PROM1: variants seen among roughly 807,000 people sequenced by gnomAD.
The protein encoded by PROM1 is prominin-1.
A neutral mutation model predicts 116.9 loss-of-function variants in PROM1; 105 were observed. The ratio of observed to expected loss-of-function variants is 0.90; its 90% CI spans 0.77 to 1.06. The LOEUF (loss-of-function observed/expected upper bound fraction) is 1.06, where lower values mean the gene tolerates loss of function less well. PROM1 is among the 50% of genes least tolerant of loss of function. The pLI is 0.00. For missense variants in PROM1, 1,122 were observed against 1,045.2 expected, an observed-to-expected ratio of 1.07 and a Z score of -1.01; for synonymous variants, 393 against 387.0, an observed-to-expected ratio of 1.02 and a Z score of -0.18.
At chr4:15,988,067 G>A (rs555698934) in intron 19 of PROM1, among the ~76,000 whole-genome samples, 181 of 149,366 alleles carry the variant, frequency 1.2e-3, no homozygotes, top group African/African-American at 4.4e-3. Context: ...TAGTAGAGAC[G>A]GGGTTTCACC....
At chr4:16,000,949 C>T (rs1360452169) in intron 13 of PROM1, among the ~76,000 whole-genome samples, 4 of 152,068 alleles carry the variant, frequency 2.6e-5, no homozygotes, top group African/African-American at 9.7e-5. Flanking sequence ...GCCTGGGGAC[C>T]CACGAGGGGT....
At position 16,024,303 on chromosome 4, in the gene PROM1, T is replaced by A; in HGVS notation, c.686A>T (p.Asp229Val). The change falls in exon 7 of 28, where the codon GAT becomes GTT. Residue 229 changes from aspartate to valine, a missense_variant. Coordinates refer to ENST00000447510, the MANE Select transcript of PROM1 (RefSeq NM_006017.3). Reference protein sequence around the residue: ...YNTTKDKAFTDLNSINSVLGG... With the variant: ...YNTTKDKAFTVLNSINSVLGG... ...CTTTAAATTTTACTCACTGTTCAGA[T>A]CTGTGAACGCCTTGTCCTTGGTAGT... 1 of 1,613,218 alleles carries A rather than the reference T, an allele frequency of 6.2e-7. No individual in the cohort carries two copies.
chr4:15,992,109 A>G, intron 17 of PROM1, 139 bp downstream of exon 17: 1 of 1,063,544 alleles, frequency 9.4e-7, no homozygotes, highest in South Asian at 1.4e-5. Flanking sequence ...AATGTACTCA[A>G]TGCCACCGAA....
At chr4:16,018,709 C>T (rs970203703) in intron 8 of PROM1, among the ~76,000 whole-genome samples, 169 bp from the exon 9 acceptor site, 6 of 152,166 alleles carry the variant, frequency 3.9e-5, no homozygotes, top group Non-Finnish European at 7.3e-5. Flanking sequence ...CGCTAGGCTG[C>T]TCTAACAGCT....
intron 2 of PROM1, among the ~76,000 whole-genome samples, chr4:16,068,590 T>C (rs140326498): frequency 2.0e-5 from 3 of 152,372 alleles, no homozygotes; most frequent in African/African-American, 4.8e-5. Context: ...TTCTGAATAT[T>C]AAGCTAGGCT....
intron 13 of PROM1, among the ~76,000 whole-genome samples, chr4:16,001,678 G>A (rs1159626318): frequency 6.6e-6 from 1 of 152,178 alleles, no homozygotes; most frequent in African/African-American, 2.4e-5. Flanking sequence ...CTTGAAACAA[G>A]TGCAGTCATG....
rs71179681 is a variant in PROM1 at position 16,012,870 on chromosome 4, C to CAAAAAA, written c.1141+399_1141+404dup. 9.5e-5 allele frequency among the ~76,000 whole-genome samples: 8 copies of CAAAAAA among 84,232 alleles called. No individual in the cohort carries two copies. The South Asian group carries it at 1.4e-3, about 15-fold the overall frequency. The allele number at this position is 84,232 out of a possible 152,430, so 55.3% of individuals were successfully genotyped here. The stretch of plus-strand genomic sequence containing the variant: ...TGAGCGACAGAGCGAGACTCTGTCT[C>CAAAAAA]AAAAAAAAAAAAAAAAAAAAACAAC... On this transcript the variant is annotated intron_variant, in intron 11 of 27. Coordinates refer to ENST00000447510, the MANE Select transcript of PROM1 (RefSeq NM_006017.3).
chr4:16,043,230 C>T (rs1054964531), intron 2 of PROM1, among the ~76,000 whole-genome samples: 3 of 152,196 alleles, frequency 2.0e-5, no homozygotes, highest in African/African-American at 7.2e-5. Flanking sequence ...ACCCCTATAA[C>T]TTGGTTTAGG....
chr4:16,055,235 A>G (rs1319765318), intron 2 of PROM1: 1 of 352,312 alleles, frequency 2.8e-6, no homozygotes, highest in East Asian at 7.4e-5. Flanking sequence ...TAATCACAGT[A>G]CCATTCTTGA....
intron 5 of PROM1, among the ~76,000 whole-genome samples, chr4:16,032,489 AAG>A (rs1732952700): frequency 6.6e-6 from 1 of 152,248 alleles, no homozygotes; most frequent in Admixed American, 6.5e-5. Flanking sequence ...AGAAACAACA[AAG>A]AGAATGCTGT....
chr4:16,083,551 C>T lies in PROM1; in HGVS notation c.-213+427G>A, dbSNP rs192845931. On this transcript the variant is annotated intron_variant, in intron 1 of 27. Coordinates refer to ENST00000447510, the MANE Select transcript of PROM1 (RefSeq NM_006017.3). ...TGGCTAGGGTAAGGGGGGCGCAGAG[C>T]GAACCCGTCCACTCCTCACTGTACA... 9.9e-4 allele frequency: 151 copies of T among 152,384 alleles called. 1 individual carries two copies. Among genetic ancestry groups the T allele is most frequent in the African/African-American group, 3.4e-3 (141 of 41,566 alleles). The allele number at this position is 152,384 out of a possible 1,614,324, so 9.4% of individuals were successfully genotyped here. A position where few individuals can be genotyped will look rare whatever the true frequency, so the allele number is the denominator to read the frequency against.
intron 11 of PROM1, among the ~76,000 whole-genome samples, chr4:16,009,494 A>AC (rs1444196356): frequency 6.6e-6 from 1 of 152,144 alleles, no homozygotes; most frequent in Non-Finnish European, 1.5e-5. Context: ...GCTAACAGCG[A>AC]CCCGGAGGCT....
rs1455824901 is a variant in PROM1, at chr4:15,989,740, G to A, written c.2068C>T (p.Gln690Ter). Residue 690 changes from glutamine to a stop codon, truncating the protein, a stop_gained, in exon 19 of 28, where the codon CAA becomes TAA. Coordinates refer to ENST00000447510, the MANE Select transcript of PROM1 (RefSeq NM_006017.3). LOFTEE classifies it high-confidence loss of function. The stretch of plus-strand genomic sequence containing the variant: ...ACGTCGTTGACTGTTACCAGTGATT[G>A]TTCTATAGGAAGGACTCGTTGCTGG... ...IHQQRVLPIE[Q>*]SLSTLYQSVK... 1 of 1,600,836 alleles carries A rather than the reference G, an allele frequency of 6.2e-7. No individual in the cohort carries two copies. Among genetic ancestry groups the A allele is most frequent in the South Asian group, 1.1e-5 (1 of 89,162 alleles).
At chr4:16,003,681 C>T (rs1008458585) in intron 13 of PROM1, among the ~76,000 whole-genome samples, 2 of 152,138 alleles carry the variant, frequency 1.3e-5, no homozygotes, top group Non-Finnish European at 2.9e-5. Flanking sequence ...CCAGGGGTAG[C>T]GGCTCACACC....
At chr4:16,045,777 G>C (rs1250092733) in intron 2 of PROM1, among the ~76,000 whole-genome samples, 1 of 152,080 alleles carries the variant, frequency 6.6e-6, no homozygotes, top group Non-Finnish European at 1.5e-5. Context: ...ATTCATAAAA[G>C]AGAATGCATG....
At chr4:15,994,360 T>C (rs1433036364) in intron 15 of PROM1, among the ~76,000 whole-genome samples, 1 of 152,222 alleles carries the variant, frequency 6.6e-6, no homozygotes, top group Non-Finnish European at 1.5e-5. Flanking sequence ...ACCACAAGTT[T>C]ACAGATTGGG....
intron 15 of PROM1, among the ~76,000 whole-genome samples, chr4:15,997,010 T>C (rs928123903): frequency 2.0e-5 from 3 of 151,934 alleles, no homozygotes; most frequent in Non-Finnish European, 4.4e-5. Context: ...GAAATAAGTG[T>C]CACCAGTGTT....
chr4:16,016,775 A>G (rs7667979), intron 9 of PROM1, among the ~76,000 whole-genome samples: 32,828 of 152,150 alleles, frequency 0.22, 4,526 homozygotes, highest in East Asian at 0.44. Context: ...TAATCCCAAG[A>G]AAACATCAAA....
rs569468728 is a variant in PROM1 at position 15,981,738 on chromosome 4, A to G, written c.2374-1201T>C. Among the ~76,000 whole-genome samples the G allele has an allele frequency of 2.6e-5, 4 of 152,346 alleles. No individual in the cohort carries two copies. In the East Asian group the frequency reaches 7.7e-4, roughly 29 times the overall value. On this transcript the variant is annotated intron_variant, in intron 23 of 27. Transcript: ENST00000447510. ...TCAATCAATGTTTCACGTTTAATTT[A>G]ACCAATCTTGAAGGTATATAGAAGG...
Sources: allele counts gnomAD v4.1 joint callset (sites outside exome capture counted in the v4.1 genomes callset), GRCh38; gene constraint gnomAD v4.1.1; transcripts MANE v1.5; gene names NCBI Gene and HGNC (gene_info 2026-07-23, HGNC 2026-07-21).